CSMD1: variants seen among roughly 807,000 people sequenced by gnomAD.
CSMD1 encodes the protein CUB and Sushi multiple domains 1.
A neutral mutation model predicts 417.5 loss-of-function variants in CSMD1; 213 were observed. The ratio of observed to expected loss-of-function variants is 0.51; its 90% CI spans 0.46 to 0.57. CSMD1 has a LOEUF of 0.57. Among genes scored for constraint, CSMD1 ranks in the 20% least tolerant of loss-of-function variants. The probability of loss-of-function intolerance (pLI) is 0.00; values close to 1 mark genes in which losing one functional copy is unlikely to be tolerated. For synonymous variants in CSMD1, 2,862 were observed against 1,736.8 expected (o/e 1.65, Z -16.11); for missense variants, 6,923 against 4,529.7 (o/e 1.53, Z -15.17).
chr8:4,313,684 A>T (rs116301561), intron 3 of CSMD1, among the ~76,000 whole-genome samples: 2,688 of 152,176 alleles, frequency 0.018, 83 homozygotes, highest in African/African-American at 0.061. Flanking sequence ...GAGCTCTGAA[A>T]GTTTCAGACA....
chr8:3,290,303 G>A (rs1478592468), intron 25 of CSMD1, among the ~76,000 whole-genome samples: 1 of 146,640 alleles, frequency 6.8e-6, no homozygotes, highest in African/African-American at 2.7e-5. Flanking sequence ...TTGACTTGGT[G>A]ATTTGGGCTC....
At chr8:4,047,766 T>G (rs1798224287) in intron 3 of CSMD1, among the ~76,000 whole-genome samples, 1 of 151,982 alleles carries the variant, frequency 6.6e-6, no homozygotes, top group South Asian at 2.1e-4. Flanking sequence ...ATTTTTTTGA[T>G]AGGAATAGGT....
In CSMD1 at chr8:3,821,800, A is replaced by G. The variant is rs144634422; in HGVS notation, c.819-67758T>C. ...CTGTCTCAAAAAAACAAACAAGCAA[A>G]CAAACAAACAAACAAAAAGTTTAAT... On this transcript the variant is annotated intron_variant, in intron 5 of 69. Transcript: ENST00000635120. 7.3e-3 allele frequency among the ~76,000 whole-genome samples: 1,108 copies of G among 152,126 alleles called. 13 individuals are homozygous for G. Among genetic ancestry groups the G allele is most frequent in the African/African-American group, 0.025 (1,019 of 41,494 alleles).
At chr8:3,584,590 T>C (rs933892375) in intron 9 of CSMD1, among the ~76,000 whole-genome samples, 1 of 152,074 alleles carries the variant, frequency 6.6e-6, no homozygotes, top group Non-Finnish European at 1.5e-5. Context: ...GAGTTTAAGA[T>C]GAGAGTCAGG....
chr8:4,634,570 G>T (rs1802716182), intron 2 of CSMD1, among the ~76,000 whole-genome samples: 1 of 152,272 alleles, frequency 6.6e-6, no homozygotes, highest in East Asian at 1.9e-4. Context: ...TGACATCTCA[G>T]TTATCAGCAG....
At chr8:4,012,746 G>C (rs1379492190) in intron 4 of CSMD1, among the ~76,000 whole-genome samples, 2 of 152,052 alleles carry the variant, frequency 1.3e-5, no homozygotes, top group Non-Finnish European at 2.9e-5. Flanking sequence ...GCCCTAAAAT[G>C]GTTCTTTTGC....
intron 10 of CSMD1, among the ~76,000 whole-genome samples, chr8:3,571,497 T>G (rs1206398765): frequency 6.6e-6 from 1 of 152,204 alleles, no homozygotes; most frequent in African/African-American, 2.4e-5. Context: ...AAGACTCCTC[T>G]GCGACAGAAG....
In CSMD1 at chr8:3,284,011, T is replaced by C. The variant is rs575264494; in HGVS notation, c.4153+133A>G. ...AGAACTCTTCTCTGCAACATGCATT[T>C]TCCTAACTTCAAATTAGGCTCAATA... On this transcript the variant is annotated intron_variant, in intron 26 of 69. Transcript: ENST00000635120. 1.0e-5 allele frequency: 8 copies of C among 798,924 alleles called. No homozygotes were observed. The East Asian group carries it at 1.9e-4, about 19-fold the overall frequency. 49.5% of individuals were successfully genotyped at this position (798,924 alleles called of 1,614,324 possible). A position where few individuals can be genotyped will look rare whatever the true frequency, so the allele number is the denominator to read the frequency against.
chr8:4,307,921 C>T (rs1281399092), intron 3 of CSMD1, among the ~76,000 whole-genome samples: 1 of 152,066 alleles, frequency 6.6e-6, no homozygotes, highest in Non-Finnish European at 1.5e-5. Flanking sequence ...AGCAAGAGGA[C>T]CCCCGGATGC....
At chr8:3,938,280 G>A (rs1563231551) in intron 5 of CSMD1, among the ~76,000 whole-genome samples, 1 of 152,076 alleles carries the variant, frequency 6.6e-6, no homozygotes, top group Admixed American at 6.6e-5. Flanking sequence ...GAGCACAAGG[G>A]AAAAAACTGC....
intron 1 of CSMD1, among the ~76,000 whole-genome samples, chr8:4,682,312 C>G (rs920014232): frequency 3.2e-4 from 48 of 152,216 alleles, no homozygotes; most frequent in African/African-American, 1.0e-3. Flanking sequence ...AATACAAGCA[C>G]AAGCCACTGT....
At chr8:4,829,910 G>A (rs4487802) in intron 1 of CSMD1, among the ~76,000 whole-genome samples, 145,536 of 152,178 alleles carry the variant, frequency 0.96, 69,968 homozygotes, top group East Asian at 1. Flanking sequence ...TAATGCCACC[G>A]TTGCCCTGTT....
At chr8:4,475,202 T>A (rs1800734686) in intron 2 of CSMD1, among the ~76,000 whole-genome samples, 1 of 152,224 alleles carries the variant, frequency 6.6e-6, no homozygotes, top group Non-Finnish European at 1.5e-5. Flanking sequence ...TGAATATATA[T>A]CTTAAAAGTT....
At chr8:3,308,052 ATGTGATAATT>A (rs58659539) in intron 24 of CSMD1, among the ~76,000 whole-genome samples, 11,150 of 50,900 alleles carry the variant, frequency 0.22, 809 homozygotes, top group African/African-American at 0.39. Flanking sequence ...TAAGACACTC[ATGTGATAATT>A]CTAATAATAT....
rs145361636 is a variant in CSMD1, at chr8:2,989,372, G to C, written c.8377+8639C>G. Among the ~76,000 whole-genome samples the C allele has an allele frequency of 5.8e-3, 890 of 152,194 alleles. 7 individuals are homozygous for C. Among genetic ancestry groups the C allele is most frequent in the African/African-American group, 0.02 (849 of 41,528 alleles). On this transcript the variant is annotated intron_variant, in intron 54 of 69. Coordinates refer to ENST00000635120, the MANE Select transcript of CSMD1 (RefSeq NM_033225.6). ...AAAACAAAACAAAACAAAACAAAATGGAATAATAGAAAACTAAAGCAGGCA... is the reference window on the plus strand; with the variant it reads ...AAAACAAAACAAAACAAAACAAAATCGAATAATAGAAAACTAAAGCAGGCA...
chr8:3,592,093 C>G (rs1800874823), intron 8 of CSMD1, among the ~76,000 whole-genome samples: 2 of 151,736 alleles, frequency 1.3e-5, no homozygotes, highest in African/African-American at 4.8e-5. Context: ...ATTAGAGAGA[C>G]AGATAAATAG....
At position 4,092,566 on chromosome 8, in the gene CSMD1, CTCTT is replaced by C. The variant is rs554406375; in HGVS notation, c.416-60471_416-60468del. ...AAAATTATTTTAAAGAAATGTGATT[CTCTT>C]TCTTAACACTACCAATAATTAGCAT... On this transcript the variant is annotated intron_variant, in intron 3 of 69. Transcript: ENST00000635120. 5.3e-5 allele frequency among the ~76,000 whole-genome samples: 8 copies of C among 152,210 alleles called. No individual in the cohort carries two copies. In the South Asian group the frequency reaches 1.7e-3, roughly 32 times the overall value.
At chr8:3,996,389 A>C (rs991318191) in intron 5 of CSMD1, among the ~76,000 whole-genome samples, 3 of 152,222 alleles carry the variant, frequency 2.0e-5, no homozygotes, top group Non-Finnish European at 4.4e-5. Flanking sequence ...GAATATCTTT[A>C]AATGATTAGT....
chr8:3,642,991 T>A (rs1797380954), intron 7 of CSMD1, among the ~76,000 whole-genome samples: 1 of 150,946 alleles, frequency 6.6e-6, no homozygotes, highest in South Asian at 2.1e-4. Flanking sequence ...ATTAATAAAT[T>A]AAAAAAAATA....
Sources: allele counts gnomAD v4.1 joint callset (sites outside exome capture counted in the v4.1 genomes callset), GRCh38; gene constraint gnomAD v4.1.1; transcripts MANE v1.5; gene names NCBI Gene and HGNC (gene_info 2026-07-23, HGNC 2026-07-21).